Variants in WDR62 observed in about 807,000 individuals in gnomAD.
WDR62 encodes the protein WD repeat-containing protein 62.
Under a neutral mutation model 160.6 loss-of-function variants are expected in WDR62, and 112 were observed. The ratio of observed to expected loss-of-function variants is 0.70; its 90% CI spans 0.60 to 0.82. The LOEUF is 0.82. WDR62 is among the 40% of genes least tolerant of loss of function. WDR62 has a pLI of 0.00. For synonymous variants in WDR62, 792 were observed against 815.1 expected (o/e 0.97, Z 0.48); for missense variants, 1,819 against 1,983.8 (o/e 0.92, Z 1.58).
rs1396776479 is a variant in WDR62, at chr19:36,090,456, C to T, written c.1970C>T (p.Thr657Ile). The T allele has an allele frequency of 1.2e-6, 2 of 1,614,002 alleles. No individual in the cohort carries two copies. The highest frequency in any genetic ancestry group is 1.7e-6 in the Non-Finnish European group (2 of 1,180,010). ...CCCTACTTCCCCAGAGTCTACAACA[C>T]TGTGAACGGGAAGCAGAAGAAGTGC... Reference protein sequence around the residue: ...CQDRNVRVYNTVNGKQKKCYK... With the variant: ...CQDRNVRVYNIVNGKQKKCYK... Residue 657 changes from threonine to isoleucine, a missense_variant, in exon 16 of 32, where the codon ACT becomes ATT. By Grantham distance (89) the Thr-to-Ile change is moderately conservative (BLOSUM62 -1). Around this residue, in one of 3 missense-constraint regions of WDR62, gnomAD observed 934 missense variants for 1,157.2 expected, o/e 0.81. Coordinates refer to ENST00000401500, the MANE Select transcript of WDR62 (RefSeq NM_001083961.2).
intron 9 of WDR62, among the ~76,000 whole-genome samples, chr19:36,078,148 TTTTG>T (rs1312733952): frequency 1.3e-5 from 2 of 150,874 alleles, no homozygotes; most frequent in East Asian, 3.9e-4. Context: ...GTACAAGTTT[TTTTG>T]TTTTTTTTTT....
downstream of WDR62, among the ~76,000 whole-genome samples, chr19:36,106,353 A>G (rs1013747380): frequency 5.2e-4 from 71 of 135,456 alleles, 1 homozygote; most frequent in African/African-American, 2.0e-3. Flanking sequence ...TGGGTGACAC[A>G]GCAAGTCTCA....
At chr19:36,089,586 C>T (rs1295465198) in intron 15 of WDR62, among the ~76,000 whole-genome samples, 2 of 152,158 alleles carry the variant, frequency 1.3e-5, no homozygotes, top group South Asian at 4.1e-4. Context: ...GAATTACAGG[C>T]GCCTGCCACC....
intron 9 of WDR62, 73 bp downstream of exon 9, chr19:36,073,604 G>A: frequency 2.4e-6 from 3 of 1,256,614 alleles, no homozygotes; most frequent in Non-Finnish European, 3.4e-6. Flanking sequence ...AACCCATTCA[G>A]TAATTCCTTC....
Position 36,099,631 on chromosome 19 carries a change from C to T in WDR62, c.2739+14C>T. ...CTGCTGAGTGAGGTACACACTTCCA[C>T]CGCAGCCTGGCCCATAGCCCCGGCA... On this transcript the variant is annotated intron_variant, in intron 22 of 31. Coordinates refer to ENST00000401500, the MANE Select transcript of WDR62 (RefSeq NM_001083961.2). The T allele has an allele frequency of 6.2e-7, 1 of 1,613,516 alleles. No individual in the cohort carries two copies. Among genetic ancestry groups the T allele is most frequent in the South Asian group, 1.1e-5 (1 of 91,074 alleles).
At chr19:36,081,775 C>A (rs911745283) in intron 10 of WDR62, 2 of 713,042 alleles carry the variant, frequency 2.8e-6, no homozygotes, top group Non-Finnish European at 5.0e-6. Context: ...ACGCTCTATC[C>A]TCTCTGATTC....
intron 5 of WDR62, 51 bp downstream of exon 5, chr19:36,066,478 CTA>C: frequency 1.3e-6 from 2 of 1,553,444 alleles, no homozygotes; most frequent in South Asian, 2.4e-5. Context: ...CCACAGCATC[CTA>C]TGTCTTGGGC....
intron 1 of WDR62, among the ~76,000 whole-genome samples, chr19:36,057,622 T>A (rs1380911469): frequency 6.6e-6 from 1 of 151,988 alleles, no homozygotes; most frequent in Admixed American, 6.6e-5. Context: ...TCAAGCGATT[T>A]TACTGCCTCA....
In WDR62 at chr19:36,083,159, G is replaced by A; in HGVS notation, c.1468G>A (p.Asp490Asn). 1 of 1,613,372 alleles carries A rather than the reference G, an allele frequency of 6.2e-7. No homozygotes were observed. Among genetic ancestry groups the A allele is most frequent in the Non-Finnish European group, 8.5e-7 (1 of 1,179,632 alleles). Reference protein sequence around the residue: ...DRGSENGTPMDVKAGVRVMQV... With the variant: ...DRGSENGTPMNVKAGVRVMQV... ...GGGGAGCGAGAATGGGACACCCATG[G>A]ACGTGAAAGCCGGGGTGCGGGTCAT... The change falls in exon 11 of 32, where the codon GAC (aspartate) becomes AAC (asparagine). Residue 490 changes from aspartate (D) to asparagine (N), a missense_variant. Transcript: ENST00000401500.
intron 13 of WDR62, among the ~76,000 whole-genome samples, chr19:36,087,860 G>A (rs572048803): frequency 1.1e-4 from 16 of 152,242 alleles, no homozygotes; most frequent in Non-Finnish European, 1.8e-4. Flanking sequence ...CGTGGTGGCC[G>A]AAGTGAGTAT....
Position 36,102,729 on chromosome 19 carries a change from TC to T in WDR62, c.3221-4del. ...GGTTATGAGGGTCCCCTCGGGATCT[TC>T]CCCTAGAGCTCTTCCCCGCAGCTCT... On this transcript the variant is annotated splice_polypyrimidine_tract_variant and splice_region_variant and intron_variant, in intron 26 of 31. Transcript: ENST00000401500. The T allele has an allele frequency of 1.2e-6, 2 of 1,613,756 alleles. No individual in the cohort carries two copies. The highest frequency in any genetic ancestry group is 1.7e-6 in the Non-Finnish European group (2 of 1,179,622).
At chr19:36,092,655 C>T (rs1599821504) in intron 18 of WDR62, 34 bp from the exon 19 acceptor site, 2 of 1,613,614 alleles carry the variant, frequency 1.2e-6, no homozygotes, top group Non-Finnish European at 1.7e-6. Context: ...CTTACTCTTC[C>T]TCTGCCTTGT....
At chr19:36,091,989 GAC>G (rs1417895825) in intron 18 of WDR62, among the ~76,000 whole-genome samples, 1 of 151,922 alleles carries the variant, frequency 6.6e-6, no homozygotes, top group Non-Finnish European at 1.5e-5. Context: ...CCCTGTAAAA[GAC>G]ACCACCGTTT....
chr19:36,096,710 C>CA lies in WDR62; in HGVS notation c.2468-310dup, dbSNP rs754659130. Among the ~76,000 whole-genome samples the CA allele has an allele frequency of 0.01, 1,278 of 122,100 alleles. 23 individuals carry two copies. Among genetic ancestry groups the CA allele is most frequent in the African/African-American group, 0.028 (887 of 31,460 alleles). 80.1% of individuals were successfully genotyped at this position (122,100 alleles called of 152,430 possible). On this transcript the variant is annotated intron_variant, in intron 20 of 31. Transcript: ENST00000401500. Reference sequence around the variant, plus strand: ...TGGGCAACAGAGCGAGACTCCGTCTCAAAAAAAGAAAAAAAAAGAGAACCC... The same window carrying CA: ...TGGGCAACAGAGCGAGACTCCGTCTCAAAAAAAAGAAAAAAAAAGAGAACCC...
At chr19:36,101,573 TG>T in intron 24 of WDR62, 90 bp from the exon 25 acceptor site, 2 of 1,013,440 alleles carry the variant, frequency 2.0e-6, no homozygotes, top group Non-Finnish European at 3.0e-6. Context: ...CTCCTCCAGA[TG>T]GGGAAACTGA....
chr19:36,084,956 C>T (rs572930431), intron 12 of WDR62, among the ~76,000 whole-genome samples: 1 of 152,264 alleles, frequency 6.6e-6, no homozygotes, highest in East Asian at 1.9e-4. Context: ...CTTGACTTGC[C>T]CGCTGCTGGT....
At chr19:36,102,617 C>T (rs546582439) in intron 26 of WDR62, 120 bp from the exon 27 acceptor site, 212 of 813,578 alleles carry the variant, frequency 2.6e-4, no homozygotes, top group Non-Finnish European at 2.7e-4. Flanking sequence ...TGCCCCTGCT[C>T]GTACCCTGTG....
At chr19:36,098,224 T>A (rs1222308860) in intron 21 of WDR62, among the ~76,000 whole-genome samples, 1 of 150,696 alleles carries the variant, frequency 6.6e-6, no homozygotes, top group Non-Finnish European at 1.5e-5. Flanking sequence ...ATCGTGCTAC[T>A]GCACTCCAGC....
intron 9 of WDR62, chr19:36,075,488 C>T (rs1301711263): frequency 6.6e-6 from 1 of 152,154 alleles, no homozygotes. Flanking sequence ...CTGTGTTGCC[C>T]AGTCTGGAGT....
Sources: allele counts gnomAD v4.1 joint callset (sites outside exome capture counted in the v4.1 genomes callset), GRCh38; gene constraint gnomAD v4.1.1; regional missense constraint gnomAD v4.1.1; transcripts MANE v1.5; gene names NCBI Gene and HGNC (gene_info 2026-07-23, HGNC 2026-07-21).